The following RAD52 variants were observed in gnomAD, a reference collection of about 807,000 sequenced individuals.
The protein encoded by RAD52 is RAD52 DNA repair protein.
RAD52 carries 47 observed loss-of-function variants against 55.5 expected under a neutral mutation model. The observed-to-expected ratio is 0.85, with a 90% CI of 0.67 to 1.08. The LOEUF is 1.08. Among genes scored for constraint, RAD52 ranks in the 50% least tolerant of loss-of-function variants. RAD52 has a pLI of 0.00. For synonymous variants in RAD52, 184 were observed against 198.9 expected (o/e 0.92, Z 0.63); for missense variants, 468 against 522.8 (o/e 0.90, Z 1.02).
intron 1 of RAD52, among the ~76,000 whole-genome samples, chr12:979,851 T>A (rs554080813): frequency 6.6e-6 from 1 of 152,100 alleles, no homozygotes; most frequent in South Asian, 2.1e-4. Flanking sequence ...ATCGAGACCA[T>A]CCTGGCTAAC....
rs2154107729 is a variant in RAD52 at position 914,547 on chromosome 12, G to A, written c.866-15C>T. The A allele has an allele frequency of 1.9e-6, 3 of 1,612,454 alleles. No homozygotes were observed. Among genetic ancestry groups the A allele is most frequent in the Non-Finnish European group, 2.5e-6 (3 of 1,179,786 alleles). ...CGGAGGCGCTGCTACGGTTCACAGA[G>A]GAGAGAAAGGACAAGTCATCATCAC... On this transcript the variant is annotated splice_polypyrimidine_tract_variant and intron_variant, in intron 9 of 11. Transcript: ENST00000358495.
At chr12:953,580 G>A (rs1958564493), upstream of RAD52, among the ~76,000 whole-genome samples, 1 of 152,214 alleles carries the variant, frequency 6.6e-6, no homozygotes, top group Admixed American at 6.5e-5. Context: ...CATATCCACT[G>A]TAGTATTATT....
chr12:929,812 C>T lies in RAD52; in HGVS notation c.348+7G>A, dbSNP rs2154113858. The T allele has an allele frequency of 6.2e-7, 1 of 1,612,526 alleles. No individual in the cohort carries two copies. The highest frequency in any genetic ancestry group is 8.5e-7 in the Non-Finnish European group (1 of 1,178,630). On this transcript the variant is annotated splice_region_variant and intron_variant, in intron 5 of 11. Transcript: ENST00000358495. ...TTCCGGGCAGCAGGTCTACTCCATCCCCTCACCTTCAGCTGGACCCTCACA... is the reference window on the plus strand; with the variant it reads ...TTCCGGGCAGCAGGTCTACTCCATCTCCTCACCTTCAGCTGGACCCTCACA...
chr12:923,693 T>C (rs146303013), intron 7 of RAD52, among the ~76,000 whole-genome samples: 7 of 151,822 alleles, frequency 4.6e-5, no homozygotes, highest in Non-Finnish European at 8.8e-5. Flanking sequence ...TTCACAACAA[T>C]GGGAATACAC....
chr12:949,630 G>A lies in RAD52; in HGVS notation c.-47C>T, dbSNP rs905917361. On this transcript the variant is annotated 5_prime_UTR_variant, in exon 1 of 12. Transcript: ENST00000358495. ...CCTCGGGCAGCGCGCGGTGCACACA[G>A]GGAGCTCGATCTAGGCTATGGACAA... is the stretch of plus-strand genomic sequence containing the variant. 5 of 152,554 alleles carry A rather than the reference G, an allele frequency of 3.3e-5. No individual in the cohort carries two copies. Among genetic ancestry groups the A allele is most frequent in the Non-Finnish European group, 7.3e-5 (5 of 68,322 alleles). The allele number at this position is 152,554 out of a possible 1,614,324, so 9.5% of individuals were successfully genotyped here. A position where few individuals can be genotyped will look rare whatever the true frequency, so the allele number is the denominator to read the frequency against.
chr12:967,535 G>A (rs1958786755), intron 1 of RAD52, among the ~76,000 whole-genome samples: 1 of 151,884 alleles, frequency 6.6e-6, no homozygotes, highest in Non-Finnish European at 1.5e-5. Flanking sequence ...TACGGTTATT[G>A]TGTTCTTCAT....
intron 1 of RAD52, among the ~76,000 whole-genome samples, chr12:941,321 G>T (rs958028890): frequency 5.9e-5 from 9 of 151,892 alleles, no homozygotes; most frequent in South Asian, 2.1e-4. Context: ...AGAACTAAAA[G>T]AATTTTTTTT....
chr12:966,402 G>A (rs181692926), intron 1 of RAD52, among the ~76,000 whole-genome samples: 17 of 152,120 alleles, frequency 1.1e-4, no homozygotes, highest in East Asian at 3.9e-4. Context: ...AGGTGACCTC[G>A]AGACTAGAAA....
At chr12:942,009 G>A (rs1454416237) in intron 1 of RAD52, among the ~76,000 whole-genome samples, 3 of 152,146 alleles carry the variant, frequency 2.0e-5, no homozygotes, top group African/African-American at 4.8e-5. Context: ...ACTCAATACT[G>A]TTTAGGTGTC....
intron 1 of RAD52, among the ~76,000 whole-genome samples, chr12:965,300 G>T (rs868515684): frequency 2.0e-5 from 3 of 151,934 alleles, no homozygotes; most frequent in Non-Finnish European, 2.9e-5. Context: ...CTTTACAGAA[G>T]ATTGGTACAT....
At chr12:931,365 C>A in intron 2 of RAD52, 44 bp from the exon 3 acceptor site, 1 of 1,403,430 alleles carries the variant, frequency 7.1e-7, no homozygotes, top group Non-Finnish European at 9.8e-7. Context: ...TTCCACCATT[C>A]CTCACATCAT....
At chr12:977,744 G>C (rs180851535) in intron 1 of RAD52, among the ~76,000 whole-genome samples, 1 of 152,212 alleles carries the variant, frequency 6.6e-6, no homozygotes, top group Non-Finnish European at 1.5e-5. Context: ...GGGAATGTTG[G>C]GGAGCTCAGG....
chr12:914,477 T>C lies in RAD52; in HGVS notation c.921A>G (p.Pro307=), dbSNP rs555352734. The C allele has an allele frequency of 6.2e-7, 1 of 1,613,344 alleles. No individual in the cohort carries two copies. Among genetic ancestry groups the C allele is most frequent in the Non-Finnish European group, 8.5e-7 (1 of 1,179,740 alleles). ...CTGCAAGGAAGTCTTTCTCCAGGAGTGGTTCTGAGACAGTTACAGGAGTGC... is the reference window on the plus strand; with the variant it reads ...CTGCAAGGAAGTCTTTCTCCAGGAGCGGTTCTGAGACAGTTACAGGAGTGC... ...THSTPVTVSE[P]LLEKDFLAGV... is the part of the protein sequence containing the mutation. Residue 307 remains proline, a synonymous_variant, in exon 10 of 12, where the codon CCA becomes CCG. Coordinates refer to ENST00000358495, the MANE Select transcript of RAD52 (RefSeq NM_134424.4).
At chr12:955,951 T>G (rs1420655627) in intron 1 of RAD52, among the ~76,000 whole-genome samples, 1 of 152,136 alleles carries the variant, frequency 6.6e-6, no homozygotes, top group African/African-American at 2.4e-5. Flanking sequence ...CGGCTAATTT[T>G]TGCATTTTTA....
chr12:976,534 A>G (rs1298510704), intron 1 of RAD52: 1 of 152,220 alleles, frequency 6.6e-6, no homozygotes, highest in Admixed American at 6.6e-5. Flanking sequence ...TGTAGGTACT[A>G]TGGTCAGCAG....
intron 1 of RAD52, among the ~76,000 whole-genome samples, chr12:970,026 G>A (rs1958819931): frequency 6.6e-6 from 1 of 151,214 alleles, no homozygotes; most frequent in Admixed American, 6.6e-5. Context: ...ATATAATTTA[G>A]GGCTGGGCGC....
At chr12:929,389 C>A (rs1199441927) in intron 5 of RAD52, among the ~76,000 whole-genome samples, 1 of 152,182 alleles carries the variant, frequency 6.6e-6, no homozygotes, top group Non-Finnish European at 1.5e-5. Context: ...GCTCACTTAA[C>A]ACCTTAAATA....
chr12:933,731 G>A (rs1957460298), intron 1 of RAD52, among the ~76,000 whole-genome samples: 1 of 152,070 alleles, frequency 6.6e-6, no homozygotes, highest in South Asian at 2.1e-4. Context: ...AACAAAAAAT[G>A]TACTATAGGT....
chr12:932,222 T>C (rs753636783), intron 2 of RAD52, among the ~76,000 whole-genome samples: 1 of 150,986 alleles, frequency 6.6e-6, no homozygotes, highest in Non-Finnish European at 1.5e-5. Context: ...AGCCCGGGCG[T>C]GGTGGCTCAC....
Sources: gnomAD v4.1 joint callset for allele counts (sites outside exome capture counted in the v4.1 genomes callset) on GRCh38, gnomAD v4.1.1 for gene constraint, MANE v1.5 for transcripts, NCBI Gene and HGNC (gene_info 2026-07-23, HGNC 2026-07-21) for gene names.